Variants in NLRC5 observed in about 807,000 individuals in gnomAD.
NLRC5 encodes the protein NLR family CARD domain containing 5.
A neutral mutation model predicts 206.9 loss-of-function variants in NLRC5; 114 were observed. That is an observed-to-expected ratio of 0.55 (90% CI 0.47 to 0.64). The LOEUF (loss-of-function observed/expected upper bound fraction) is 0.64, where lower values mean the gene tolerates loss of function less well. NLRC5 is among the 30% of genes least tolerant of loss of function. The pLI is 0.00. For missense variants in NLRC5, 2,008 were observed against 2,305.5 expected (o/e 0.87, Z 2.64); for synonymous variants, 952 against 962.8 (o/e 0.99, Z 0.21).
chr16:57,052,030 T>C (rs918970189), intron 24 of NLRC5, among the ~76,000 whole-genome samples: 1 of 152,176 alleles, frequency 6.6e-6, no homozygotes, highest in African/African-American at 2.4e-5. Flanking sequence ...CACCCACTCG[T>C]AGAAAGGGGC....
intron 6 of NLRC5, among the ~76,000 whole-genome samples, chr16:57,027,735 C>A (rs2061398916): frequency 6.6e-6 from 1 of 152,154 alleles, no homozygotes; most frequent in African/African-American, 2.4e-5. Flanking sequence ...AAGGAAAGAG[C>A]ATGGAGGAAC....
At position 57,059,490 on chromosome 16, in the gene NLRC5, G is replaced by A. The variant is rs143461182; in HGVS notation, c.3944G>A (p.Arg1315Gln). 5.2e-5 allele frequency: 84 copies of A among 1,611,524 alleles called. No homozygotes were observed. The highest frequency in any genetic ancestry group is 3.1e-4 in the African/African-American group (23 of 74,872). The change falls in exon 30 of 49, where the codon CGG (arginine) becomes CAG (glutamine). Residue 1315 changes from arginine to glutamine, a missense_variant. Coordinates refer to ENST00000688547, the MANE Select transcript of NLRC5 (RefSeq NM_001384950.1). ...AGCCTGGGCTCTGAGCAGAGCTTCC[G>A]GATTCACTTCTCCAGAGAGGACCAG... The part of the protein sequence containing the change: ...SVNLGSEQSF[R>Q]IHFSREDQAG...
intron 6 of NLRC5, 34 bp downstream of exon 6, chr16:57,027,052 T>C: frequency 6.3e-7 from 1 of 1,588,800 alleles, no homozygotes; most frequent in Non-Finnish European, 8.6e-7. Flanking sequence ...GGGGAGGGGA[T>C]TGGGCTTTTG....
rs60470959 is a variant in NLRC5 at position 57,061,008 on chromosome 16, C to T, written c.3987-440C>T. 8.3e-3 allele frequency among the ~76,000 whole-genome samples: 1,264 copies of T among 152,356 alleles called. 17 individuals carry two copies. The highest frequency in any genetic ancestry group is 0.023 in the African/African-American group (964 of 41,580). Reference sequence around the variant, plus strand: ...CCAGTGCTGGTCCGGGAGAGTAAGGCAGTGGTTAAGAGCTTGGGGTCTGCA... The same window carrying T: ...CCAGTGCTGGTCCGGGAGAGTAAGGTAGTGGTTAAGAGCTTGGGGTCTGCA... On this transcript the variant is annotated intron_variant, in intron 30 of 48. Transcript: ENST00000688547.
At chr16:57,060,376 C>T (rs72775175) in intron 30 of NLRC5, among the ~76,000 whole-genome samples, 8,728 of 151,700 alleles carry the variant, frequency 0.058, 325 homozygotes, top group East Asian at 0.13. Context: ...ACACACACGC[C>T]CTACACACCA....
chr16:57,059,590 T>C, intron 30 of NLRC5, 58 bp downstream of exon 30: 2 of 1,476,324 alleles, frequency 1.4e-6, no homozygotes, highest in Non-Finnish European at 9.2e-7. Flanking sequence ...GCTGACCCTA[T>C]GGCGGCCTCC....
intron 11 of NLRC5, 38 bp downstream of exon 11, chr16:57,031,501 T>G (rs2061883328): frequency 6.2e-7 from 1 of 1,606,936 alleles, no homozygotes; most frequent in Non-Finnish European, 8.5e-7. Context: ...GGGCCATCCT[T>G]AGAAGCAACT....
intron 4 of NLRC5, 39 bp from the exon 5 acceptor site, chr16:57,023,746 C>G: frequency 6.3e-7 from 1 of 1,581,506 alleles, no homozygotes. Flanking sequence ...GCCCAGATCC[C>G]CAGACCCCAC....
At chr16:57,068,010 C>A (rs1373328153) in intron 36 of NLRC5, among the ~76,000 whole-genome samples, 182 bp downstream of exon 36, 3 of 152,176 alleles carry the variant, frequency 2.0e-5, no homozygotes, top group Non-Finnish European at 2.9e-5. Context: ...ACCTTAGGAA[C>A]ATTGAGCCAC....
chr16:57,079,469 G>A (rs2068855369), intron 45 of NLRC5, 77 bp from the exon 46 acceptor site: 1 of 1,416,602 alleles, frequency 7.1e-7, no homozygotes, highest in East Asian at 2.3e-5. Context: ...AGACCCTGGT[G>A]GCTCTGGAGG....
rs780317872 is a variant in NLRC5, at chr16:57,079,131, C to A, written c.5163C>A (p.Ile1721=). The change falls in exon 44 of 49, where the codon ATC becomes ATA. Residue 1721 remains isoleucine (I), a splice_region_variant and synonymous_variant. Coordinates refer to ENST00000688547, the MANE Select transcript of NLRC5 (RefSeq NM_001384950.1). ...ATGGATCCCCCCATTTGGAAGAGAT[C>A]AGGTAAGTAGGGGCTGCCCAGCCCA... ...ALDGSPHLEE[I]SLAENNLAGG... is the part of the protein sequence containing the mutation. 7 of 1,614,096 alleles carry A rather than the reference C, an allele frequency of 4.3e-6. No homozygotes were observed. The highest frequency in any genetic ancestry group is 5.9e-6 in the Non-Finnish European group (7 of 1,180,022).
intron 23 of NLRC5, 60 bp from the exon 24 acceptor site, chr16:57,051,478 C>A: frequency 7.9e-7 from 1 of 1,261,482 alleles, no homozygotes; most frequent in Non-Finnish European, 1.2e-6. Context: ...GGCTATGAGG[C>A]CGTGCTCCCT....
chr16:57,047,744 C>T (rs1022091746), intron 23 of NLRC5, 116 bp downstream of exon 23: 21 of 888,614 alleles, frequency 2.4e-5, no homozygotes, highest in Non-Finnish European at 3.6e-5. Flanking sequence ...TCCCACCAGC[C>T]CTGCCCCATG....
chr16:57,034,551 G>A lies in NLRC5; in HGVS notation c.2627+300G>A, dbSNP rs78008654. The stretch of plus-strand genomic sequence containing the variant: ...CTGCAGAAAGATAAACTTGCTCAAG[G>A]CCACACAGGTAGGAAGAGTCTAGGC... On this transcript the variant is annotated intron_variant, in intron 13 of 48. Coordinates refer to ENST00000688547, the MANE Select transcript of NLRC5 (RefSeq NM_001384950.1). 2.4e-3 allele frequency: 777 copies of A among 327,322 alleles called. 2 individuals are homozygous for A. The highest frequency in any genetic ancestry group is 0.015 in the African/African-American group (727 of 47,058). 20.3% of individuals were successfully genotyped at this position (327,322 alleles called of 1,614,324 possible).
At chr16:56,997,209 C>G (rs1279229623) in intron 1 of NLRC5, among the ~76,000 whole-genome samples, 1 of 152,098 alleles carries the variant, frequency 6.6e-6, no homozygotes, top group Non-Finnish European at 1.5e-5. Context: ...TGCTTGACTT[C>G]TTGGAGCCTG....
At chr16:57,059,129 G>C (rs1409355047) in intron 29 of NLRC5, 68 bp downstream of exon 29, 2 of 1,611,374 alleles carry the variant, frequency 1.2e-6, no homozygotes, top group Non-Finnish European at 1.7e-6. Context: ...CTGATGATGG[G>C]AGAAGCAAGG....
intron 13 of NLRC5, chr16:57,034,672 C>T (rs552934249): frequency 1.9e-5 from 3 of 156,514 alleles, no homozygotes; most frequent in African/African-American, 7.2e-5. Flanking sequence ...CCCCACCACA[C>T]CTGGGTCTGC....
chr16:57,054,675 T>G, intron 24 of NLRC5, 76 bp from the exon 25 acceptor site: 1 of 554,044 alleles, frequency 1.8e-6, no homozygotes, highest in Non-Finnish European at 3.7e-6. Flanking sequence ...CTCCCCACCC[T>G]CCCTTTCCTT....
intron 27 of NLRC5, 135 bp from the exon 28 acceptor site, chr16:57,057,930 T>C: frequency 2.9e-6 from 2 of 698,546 alleles, no homozygotes; most frequent in Non-Finnish European, 2.6e-6. Context: ...GTGATGGTGG[T>C]GATGGTGGTG....
Sources: gnomAD v4.1 joint callset for allele counts (sites outside exome capture counted in the v4.1 genomes callset) on GRCh38, gnomAD v4.1.1 for gene constraint, MANE v1.5 for transcripts, NCBI Gene and HGNC (gene_info 2026-07-23, HGNC 2026-07-21) for gene names.